Variants in SRD5A1 observed in about 807,000 individuals in gnomAD.
SRD5A1 encodes the protein steroid 5 alpha-reductase 1, also known as 3-oxo-5-alpha-steroid 4-dehydrogenase 1.
Under a neutral mutation model 28.2 loss-of-function variants are expected in SRD5A1, and 22 were observed. That is an observed-to-expected ratio of 0.78 (90% CI 0.56 to 1.12). SRD5A1 has a LOEUF of 1.12. Among genes scored for constraint, SRD5A1 ranks in the 50% most tolerant of loss-of-function variants. SRD5A1 has a pLI of 0.00. For synonymous variants in SRD5A1, 151 were observed against 135.0 expected (o/e 1.12, Z -0.82); for missense variants, 300 against 346.7 (o/e 0.87, Z 1.07).
chr5:6,633,963 T>A (rs1579389172), intron 1 of SRD5A1, 94 bp downstream of exon 1: 1 of 1,375,084 alleles, frequency 7.3e-7, no homozygotes, highest in Non-Finnish European at 1.0e-6. Context: ...CCCCGAAGCC[T>A]CCCCCACCCA....
intron 1 of SRD5A1, among the ~76,000 whole-genome samples, chr5:6,647,291 T>C (rs527488668): frequency 9.8e-5 from 15 of 152,338 alleles, no homozygotes; most frequent in African/African-American, 3.1e-4. Flanking sequence ...GTCTACTAGG[T>C]CCACTTGATC....
intron 1 of SRD5A1, among the ~76,000 whole-genome samples, chr5:6,642,306 C>T (rs1269263988): frequency 6.6e-6 from 1 of 152,172 alleles, no homozygotes; most frequent in Non-Finnish European, 1.5e-5. Flanking sequence ...TTTAATTGAG[C>T]ATGATCATCA....
Position 6,633,670 on chromosome 5 carries a change from C to T in SRD5A1, c.94C>T (p.Arg32Cys), listed in dbSNP as rs772480989. 3.2e-6 allele frequency: 5 copies of T among 1,583,616 alleles called. No individual in the cohort carries two copies. The highest frequency in any genetic ancestry group is 4.3e-6 in the Non-Finnish European group (5 of 1,172,572). ...GGGCTGCGCGGTCTTCGCGCGCAAT[C>T]GTCAGACGAACTCAGTGTACGGCCG... ...AVGCAVFARNRQTNSVYGRHA... is the reference protein window; with the variant it reads ...AVGCAVFARNCQTNSVYGRHA... The change falls in exon 1 of 5, where the codon CGT becomes TGT. Residue 32 changes from arginine to cysteine, a missense_variant. Physicochemically the swap from Arg to Cys is radical, Grantham distance 180 (BLOSUM62 -3). This residue lies in a region of SRD5A1 where 174 missense variants were observed against 160.9 expected (regional missense o/e 1.08). Transcript: ENST00000274192.
rs201803622 is a variant in SRD5A1, at chr5:6,672,274, T to TTTTTG, written c.*4022_*4026dup. The TTTTTG allele has an allele frequency of 0.017, 2,645 of 152,450 alleles. 58 individuals carry two copies. Among genetic ancestry groups the TTTTTG allele is most frequent in the East Asian group, 0.045 (235 of 5,192 alleles). 9.4% of individuals were successfully genotyped at this position (152,450 alleles called of 1,614,324 possible). A position where few individuals can be genotyped will look rare whatever the true frequency, so the allele number is the denominator to read the frequency against. On this transcript the variant is annotated 3_prime_UTR_variant, in exon 5 of 5. Transcript: ENST00000274192. The stretch of plus-strand genomic sequence containing the variant: ...ACTCCTGACTGTTGCATTATTTTGT[T>TTTTTG]TTTTGTTTTGTTTTGTTTTGAGACG...
In SRD5A1 at chr5:6,633,468, ACTCCGGTAGCCGCCC is replaced by A. The variant is rs997295040; in HGVS notation, c.-89_-75del. On this transcript the variant is annotated 5_prime_UTR_variant, in exon 1 of 5. Transcript: ENST00000274192. ...TTCTGCAGAGTCCCGGCAGTGCGGGACTCCGGTAGCCGCCCCTCCGGTAGCCGCCCCTCCTGCCCC... is the reference window on the plus strand; with the variant it reads ...TTCTGCAGAGTCCCGGCAGTGCGGGACTCCGGTAGCCGCCCCTCCTGCCCC... 96 of 1,245,366 alleles carry A rather than the reference ACTCCGGTAGCCGCCC, an allele frequency of 7.7e-5. No homozygotes were observed. Among genetic ancestry groups the A allele is most frequent in the Middle Eastern group, 5.8e-4 (2 of 3,474 alleles). 77.1% of individuals were successfully genotyped at this position (1,245,366 alleles called of 1,614,324 possible).
In SRD5A1 at chr5:6,649,405, T is replaced by C. The variant is rs567106931; in HGVS notation, c.294-2437T>C. ...GAACTTCCTGGGGCTTTGTTTACAC[T>C]ATGAGGGTAAAACCGTCTACTTAAG... On this transcript the variant is annotated intron_variant, in intron 1 of 4. Transcript: ENST00000274192. Among the ~76,000 whole-genome samples the C allele has an allele frequency of 1.3e-3, 204 of 152,320 alleles. 2 individuals are homozygous for C. Among genetic ancestry groups the C allele is most frequent in the African/African-American group, 3.7e-3 (154 of 41,574 alleles).
intron 1 of SRD5A1, among the ~76,000 whole-genome samples, chr5:6,648,990 G>A (rs76358747): frequency 0.016 from 2,429 of 152,212 alleles, 94 homozygotes; most frequent in African/African-American, 0.055. Flanking sequence ...CTCTGCTGCA[G>A]GTCTGCCTGA....
chr5:6,660,773 A>G (rs1369589024), intron 3 of SRD5A1, among the ~76,000 whole-genome samples: 1 of 152,250 alleles, frequency 6.6e-6, no homozygotes, highest in Admixed American at 6.5e-5. Flanking sequence ...TCTGCTATAA[A>G]GAACTACCTG....
intron 4 of SRD5A1, among the ~76,000 whole-genome samples, chr5:6,665,553 C>T (rs1011731444): frequency 6.6e-5 from 10 of 152,178 alleles, no homozygotes; most frequent in Non-Finnish European, 1.3e-4. Flanking sequence ...CCTCTGCGCC[C>T]GCTGCTCCCA....
chr5:6,661,383 A>T (rs1415500860), intron 3 of SRD5A1, among the ~76,000 whole-genome samples: 1 of 128,580 alleles, frequency 7.8e-6, no homozygotes, highest in African/African-American at 3.2e-5. Context: ...CCTACTAAAA[A>T]TACAAAACTC....
At chr5:6,666,494 T>C (rs1739184910) in intron 4 of SRD5A1, among the ~76,000 whole-genome samples, 1 of 152,182 alleles carries the variant, frequency 6.6e-6, no homozygotes. Context: ...GAAATCTTTC[T>C]ATAATAATCA....
intron 2 of SRD5A1, among the ~76,000 whole-genome samples, chr5:6,652,217 G>T (rs56385718): frequency 1.0e-3 from 153 of 152,280 alleles, no homozygotes; most frequent in African/African-American, 3.3e-3. Flanking sequence ...ACCTTCCCCC[G>T]CACGGGCAGG....
chr5:6,655,337 G>A (rs568165529), intron 2 of SRD5A1, among the ~76,000 whole-genome samples: 1 of 152,134 alleles, frequency 6.6e-6, no homozygotes, highest in South Asian at 2.1e-4. Context: ...GGAATTAATT[G>A]ATGTGATACT....
Position 6,668,298 on chromosome 5 carries a change from T to G in SRD5A1, c.*30T>G, listed in dbSNP as rs758946454. The G allele has an allele frequency of 7.4e-7, 1 of 1,360,070 alleles. No homozygotes were observed. Among genetic ancestry groups the G allele is most frequent in the South Asian group, 1.3e-5 (1 of 78,244 alleles). 84.3% of individuals were successfully genotyped at this position (1,360,070 alleles called of 1,614,324 possible). A position where few individuals can be genotyped will look rare whatever the true frequency, so the allele number is the denominator to read the frequency against. ...GTTTTTCATGAAATTATCTTCAACT[T>G]GAAGCTTTCCAATGGCGCTTCTCTA... On this transcript the variant is annotated 3_prime_UTR_variant, in exon 5 of 5. Transcript: ENST00000274192.
At chr5:6,665,055 G>A (rs1222930581) in intron 4 of SRD5A1, among the ~76,000 whole-genome samples, 2 of 152,234 alleles carry the variant, frequency 1.3e-5, no homozygotes, top group South Asian at 2.1e-4. Flanking sequence ...CTGTGAAAGC[G>A]ACCTTACTGG....
In SRD5A1 at chr5:6,633,843, C is replaced by G. The variant is rs765881019; in HGVS notation, c.267C>G (p.Ala89=). ...LRSAPNCILL[A]MFLVHYGHRC... ...GCGCGCCCAACTGCATCCTCCTGGC[C>G]ATGTTCCTCGTCCACTACGGGCATC... Residue 89 remains alanine, a synonymous_variant, in exon 1 of 5, where the codon GCC becomes GCG. Coordinates refer to ENST00000274192, the MANE Select transcript of SRD5A1 (RefSeq NM_001047.4). The G allele has an allele frequency of 8.1e-6, 13 of 1,597,464 alleles. No homozygotes were observed. Among genetic ancestry groups the G allele is most frequent in the Admixed American group, 1.7e-5 (1 of 59,962 alleles).
chr5:6,648,670 T>A (rs894547039), intron 1 of SRD5A1, among the ~76,000 whole-genome samples: 1 of 152,346 alleles, frequency 6.6e-6, no homozygotes, highest in Non-Finnish European at 1.5e-5. Context: ...CTCTAACCTT[T>A]TTTCCAGGTT....
At chr5:6,643,102 T>G (rs1738412313) in intron 1 of SRD5A1, among the ~76,000 whole-genome samples, 1 of 152,110 alleles carries the variant, frequency 6.6e-6, no homozygotes, top group South Asian at 2.1e-4. Context: ...CCACTTTGGA[T>G]TCTACTAAAT....
At chr5:6,667,892 C>A (rs1381395261) in intron 4 of SRD5A1, among the ~76,000 whole-genome samples, 1 of 152,174 alleles carries the variant, frequency 6.6e-6, no homozygotes, top group Non-Finnish European at 1.5e-5. Flanking sequence ...TGCATGCTTT[C>A]CCCGGGGGCT....
Sources: allele counts gnomAD v4.1 joint callset (sites outside exome capture counted in the v4.1 genomes callset), GRCh38; gene constraint gnomAD v4.1.1; regional missense constraint gnomAD v4.1.1; transcripts MANE v1.5; gene names NCBI Gene and HGNC (gene_info 2026-07-23, HGNC 2026-07-21).